Variants in ELP4 observed in about 807,000 individuals in gnomAD.
ELP4 encodes elongator acetyltransferase complex subunit 4.
ELP4 carries 51 observed loss-of-function variants against 48.9 expected under a neutral mutation model. The observed-to-expected ratio is 1.04, with a 90% CI of 0.83 to 1.32. ELP4 has a LOEUF of 1.32. Ranked by LOEUF, ELP4 falls within the 40% of genes most tolerant of loss-of-function variation. ELP4 has a pLI of 0.00. For synonymous variants in ELP4, 210 were observed against 189.2 expected (o/e 1.11, Z -0.90); for missense variants, 519 against 514.6 (o/e 1.01, Z -0.08).
chr11:31,540,660 A>G (rs1312178015), intron 3 of ELP4, among the ~76,000 whole-genome samples: 5 of 152,174 alleles, frequency 3.3e-5, no homozygotes, highest in Non-Finnish European at 7.4e-5. Context: ...AAATGTATCT[A>G]AGGAAATTAA....
At position 31,760,533 on chromosome 11, in the gene ELP4, A is replaced by G. The variant is rs547594507; in HGVS notation, c.1144-22860A>G. 1.7e-4 allele frequency among the ~76,000 whole-genome samples: 26 copies of G among 152,344 alleles called. 1 individual carries two copies. In the South Asian group the frequency reaches 2.5e-3, roughly 15 times the overall value. Reference sequence around the variant, plus strand: ...TGCTAGATTTTTTTAAATGTATTATAAAAACATTAGAAGACGATATTTGTA... The same window carrying G: ...TGCTAGATTTTTTTAAATGTATTATGAAAACATTAGAAGACGATATTTGTA... On this transcript the variant is annotated intron_variant, in intron 9 of 9. Coordinates refer to ENST00000640961, the MANE Select transcript of ELP4 (RefSeq NM_019040.5).
chr11:31,550,009 T>G (rs1956814842), intron 3 of ELP4, among the ~76,000 whole-genome samples: 1 of 152,010 alleles, frequency 6.6e-6, no homozygotes, highest in African/African-American at 2.4e-5. Flanking sequence ...GGGGGAGGGA[T>G]AGCATTGGGA....
rs372821935 is a variant in ELP4 at position 31,643,332 on chromosome 11, G to A, written c.928-4409G>A. Among the ~76,000 whole-genome samples, 41 of 151,750 alleles carry A rather than the reference G, an allele frequency of 2.7e-4. No individual in the cohort carries two copies. The East Asian group carries it at 6.7e-3, about 25-fold the overall frequency. On this transcript the variant is annotated intron_variant, in intron 7 of 9. Coordinates refer to ENST00000640961, the MANE Select transcript of ELP4 (RefSeq NM_019040.5). ...ATAGTATAGAGTAACTCAGGAACTT[G>A]CTCTTACTTGAGGCGTTGCATAAAT...
At chr11:31,556,892 A>C (rs1171197855) in intron 3 of ELP4, among the ~76,000 whole-genome samples, 1 of 151,876 alleles carries the variant, frequency 6.6e-6, no homozygotes, top group African/African-American at 2.4e-5. Flanking sequence ...CTTGATGTTT[A>C]CTAAAAGCTT....
chr11:31,613,377 A>G (rs1195399447), intron 5 of ELP4, among the ~76,000 whole-genome samples: 1 of 152,174 alleles, frequency 6.6e-6, no homozygotes, highest in Non-Finnish European at 1.5e-5. Flanking sequence ...TCCCCTTCCT[A>G]GATTATCTAA....
At chr11:31,717,986 G>A (rs1056083414) in intron 9 of ELP4, among the ~76,000 whole-genome samples, 4 of 151,934 alleles carry the variant, frequency 2.6e-5, no homozygotes, top group African/African-American at 9.7e-5. Flanking sequence ...TAATGGACCC[G>A]GGGTCTCACT....
At chr11:31,627,714 A>G (rs941327064) in intron 6 of ELP4, among the ~76,000 whole-genome samples, 5 of 152,098 alleles carry the variant, frequency 3.3e-5, no homozygotes, top group Non-Finnish European at 5.9e-5. Context: ...CCAAATTTCC[A>G]CTAATAAAGA....
At chr11:31,680,885 A>T (rs1946038287) in intron 9 of ELP4, among the ~76,000 whole-genome samples, 1 of 152,112 alleles carries the variant, frequency 6.6e-6, no homozygotes, top group Non-Finnish European at 1.5e-5. Context: ...GACTGTAAAA[A>T]CTCAATTTAA....
Position 31,784,657 on chromosome 11 carries a change from G to A in ELP4, c.*1133G>A, listed in dbSNP as rs1393841631. The stretch of plus-strand genomic sequence containing the variant: ...TATAACTAGCATTTTTAAGCAGCTT[G>A]CTTTTAATATACCACAAATTATACT... On this transcript the variant is annotated 3_prime_UTR_variant, in exon 10 of 10. Transcript: ENST00000640961. 1 of 155,864 alleles carries A rather than the reference G, an allele frequency of 6.4e-6. No homozygotes were observed. The highest frequency in any genetic ancestry group is 1.4e-5 in the Non-Finnish European group (1 of 70,258). 9.7% of individuals were successfully genotyped at this position (155,864 alleles called of 1,614,324 possible). A position where few individuals can be genotyped will look rare whatever the true frequency, so the allele number is the denominator to read the frequency against.
chr11:31,662,164 A>G (rs1428433968), intron 9 of ELP4, among the ~76,000 whole-genome samples: 1 of 152,134 alleles, frequency 6.6e-6, no homozygotes, highest in African/African-American at 2.4e-5. Flanking sequence ...AATGCATTTC[A>G]TTAAGATATG....
chr11:31,559,836 G>A (rs1247460778), intron 3 of ELP4, among the ~76,000 whole-genome samples: 1 of 150,680 alleles, frequency 6.6e-6, no homozygotes, highest in Non-Finnish European at 1.5e-5. Flanking sequence ...CCAGGAGGCA[G>A]AGGTTGCGGC....
At chr11:31,704,683 T>C (rs2134162085) in intron 9 of ELP4, among the ~76,000 whole-genome samples, 1 of 152,214 alleles carries the variant, frequency 6.6e-6, no homozygotes, top group South Asian at 2.1e-4. Flanking sequence ...AATTTTGATT[T>C]AGATCATAGA....
chr11:31,551,040 C>T (rs772182942), intron 3 of ELP4, among the ~76,000 whole-genome samples: 2 of 152,132 alleles, frequency 1.3e-5, no homozygotes, highest in African/African-American at 2.4e-5. Context: ...GGATTATGAT[C>T]GCACTTGTTT....
chr11:31,770,276 T>A (rs1358201055), intron 9 of ELP4, among the ~76,000 whole-genome samples: 2 of 152,078 alleles, frequency 1.3e-5, no homozygotes, highest in Admixed American at 6.5e-5. Flanking sequence ...TAAGGAAAGA[T>A]GAGTAGAAGG....
chr11:31,654,046 C>CTG (rs1379201726), intron 9 of ELP4: 4 of 151,612 alleles, frequency 2.6e-5, no homozygotes, highest in Non-Finnish European at 3.0e-5. Context: ...CTCGATCATA[C>CTG]TGTAGCACAT....
At chr11:31,767,851 C>T (rs1350981128) in intron 9 of ELP4, 1 of 152,158 alleles carries the variant, frequency 6.6e-6, no homozygotes, top group African/African-American at 2.4e-5. Context: ...AGCACTTGGT[C>T]TTTGGCTGCC....
intron 5 of ELP4, among the ~76,000 whole-genome samples, chr11:31,610,773 A>T (rs1166362543): frequency 1.3e-5 from 2 of 152,142 alleles, no homozygotes; most frequent in African/African-American, 4.8e-5. Flanking sequence ...TCCTCATTTC[A>T]TGCATGGTAT....
chr11:31,760,751 T>C (rs1262906020), intron 9 of ELP4, among the ~76,000 whole-genome samples: 9 of 152,220 alleles, frequency 5.9e-5, no homozygotes. Flanking sequence ...TGCAAATTAT[T>C]ATGACATATT....
At chr11:31,740,691 A>G (rs1236476565) in intron 9 of ELP4, among the ~76,000 whole-genome samples, 1 of 152,260 alleles carries the variant, frequency 6.6e-6, no homozygotes. Flanking sequence ...CTGCCAACAA[A>G]TGTGAAACAG....
Sources: allele counts gnomAD v4.1 joint callset (sites outside exome capture counted in the v4.1 genomes callset), GRCh38; gene constraint gnomAD v4.1.1; transcripts MANE v1.5; gene names NCBI Gene and HGNC (gene_info 2026-07-23, HGNC 2026-07-21).